ELP1: variants seen among roughly 807,000 people sequenced by gnomAD.
ELP1 encodes the protein elongator acetyltransferase complex subunit 1, also known as elongator complex protein 1.
ELP1 carries 131 observed loss-of-function variants against 183.2 expected under a neutral mutation model. The ratio of observed to expected loss-of-function variants is 0.72; its 90% CI spans 0.62 to 0.83. The LOEUF is 0.83. ELP1 is among the 40% of genes least tolerant of loss of function. ELP1 has a pLI of 0.00. For synonymous variants in ELP1, 555 were observed against 569.0 expected, an observed-to-expected ratio of 0.98 and a Z score of 0.35; for missense variants, 1,550 against 1,594.9, an observed-to-expected ratio of 0.97 and a Z score of 0.48.
Position 108,926,521 on chromosome 9 carries a change from A to C in ELP1, c.466+2T>G. On this transcript the variant is annotated splice_donor_variant, in intron 5 of 36. Transcript: ENST00000374647. LOFTEE classifies it high-confidence loss of function. ...CAAAATATTGCACAAAGCTATACTT[A>C]CTTTCACCAAAATCATCCTGATGGA... 1.2e-6 allele frequency: 2 copies of C among 1,610,646 alleles called. No homozygotes were observed. The highest frequency in any genetic ancestry group is 8.5e-7 in the Non-Finnish European group (1 of 1,177,928).
At position 108,931,157 on chromosome 9, in the gene ELP1, T is replaced by G. The variant is rs753020305; in HGVS notation, c.-11A>C. On this transcript the variant is annotated 5_prime_UTR_variant, in exon 2 of 37. Coordinates refer to ENST00000374647, the MANE Select transcript of ELP1 (RefSeq NM_003640.5). The stretch of plus-strand genomic sequence containing the variant: ...TTTCAGATTTCGCATGATGAAGTGA[T>G]TCCCACGAGACAAGTACAACTATCC... 4.3e-6 allele frequency: 7 copies of G among 1,613,318 alleles called. No homozygotes were observed. The African/African-American group carries it at 9.3e-5, about 22-fold the overall frequency.
At chr9:108,876,953 ACTC>A (rs1827727533) in intron 35 of ELP1, among the ~76,000 whole-genome samples, 1 of 151,468 alleles carries the variant, frequency 6.6e-6, no homozygotes, top group Non-Finnish European at 1.5e-5. Flanking sequence ...TTAGTCACGA[ACTC>A]CTGACTTCAG....
chr9:108,929,953 C>T, intron 2 of ELP1, 32 bp from the exon 3 acceptor site: 1 of 1,609,404 alleles, frequency 6.2e-7, no homozygotes, highest in Non-Finnish European at 8.5e-7. Context: ...GCAAATTAAC[C>T]CAGTCTACTT....
chr9:108,888,047 A>G (rs1301904507), intron 29 of ELP1, among the ~76,000 whole-genome samples: 1 of 152,256 alleles, frequency 6.6e-6, no homozygotes, highest in African/African-American at 2.4e-5. Flanking sequence ...GTAAATCAAC[A>G]AATTCTGACA....
chr9:108,913,883 C>G (rs1395618344), intron 10 of ELP1, among the ~76,000 whole-genome samples: 1 of 152,170 alleles, frequency 6.6e-6, no homozygotes, highest in Non-Finnish European at 1.5e-5. Flanking sequence ...ATCACAGTGC[C>G]ATCCCTTGAC....
chr9:108,884,339 T>C (rs1016718885), intron 29 of ELP1, among the ~76,000 whole-genome samples: 3 of 152,110 alleles, frequency 2.0e-5, no homozygotes, highest in Non-Finnish European at 4.4e-5. Context: ...CAGTCATTGA[T>C]AGAGCAAGTA....
rs1554700059 is a variant in ELP1, at chr9:108,914,422, G to GC, written c.958+1781_958+1782insG. On this transcript the variant is annotated intron_variant, in intron 10 of 36. Coordinates refer to ENST00000374647, the MANE Select transcript of ELP1 (RefSeq NM_003640.5). ...CCAAAAAAAAAAAAAAAGGGGGGGG[G>GC]GGTTCTACTGATTAAAGAGTTTGAA... Among the ~76,000 whole-genome samples the GC allele has an allele frequency of 2.3e-4, 31 of 137,136 alleles. 1 individual carries two copies. Among genetic ancestry groups the GC allele is most frequent in the East Asian group, 1.9e-3 (8 of 4,174 alleles). 90.0% of individuals were successfully genotyped at this position (137,136 alleles called of 152,430 possible).
At chr9:108,872,478 CA>C (rs1379688685) in intron 36 of ELP1, among the ~76,000 whole-genome samples, 1 of 151,970 alleles carries the variant, frequency 6.6e-6, no homozygotes, top group Non-Finnish European at 1.5e-5. Context: ...TCATAAATTC[CA>C]ATTAAAGTTG....
intron 7 of ELP1, 49 bp downstream of exon 7, chr9:108,919,204 A>G (rs1829554830): frequency 1.5e-6 from 2 of 1,353,582 alleles, no homozygotes; most frequent in African/African-American, 1.5e-5. Context: ...CTTAATTTTA[A>G]TAAGATAAAA....
intron 32 of ELP1, 50 bp from the exon 33 acceptor site, chr9:108,879,607 G>A: frequency 1.5e-6 from 2 of 1,345,530 alleles, no homozygotes; most frequent in Non-Finnish European, 2.1e-6. Flanking sequence ...GCTAATGTGT[G>A]GGTTTACTTT....
At chr9:108,904,789 A>AT (rs746952782) in intron 14 of ELP1, among the ~76,000 whole-genome samples, 1 of 152,360 alleles carries the variant, frequency 6.6e-6, no homozygotes, top group Non-Finnish European at 1.5e-5. Flanking sequence ...TTAGAAGAGT[A>AT]TTTTTTACAA....
chr9:108,884,610 A>G (rs896885381), intron 29 of ELP1, among the ~76,000 whole-genome samples: 2 of 152,232 alleles, frequency 1.3e-5, no homozygotes, highest in African/African-American at 4.8e-5. Flanking sequence ...AATATCTGCA[A>G]GTTAAACATA....
intron 29 of ELP1, 55 bp downstream of exon 29, chr9:108,889,277 T>A: frequency 1.4e-6 from 2 of 1,451,118 alleles, no homozygotes; most frequent in Non-Finnish European, 1.9e-6. Context: ...TAAGATACAA[T>A]TGAGAAGACC....
At chr9:108,919,395 TC>T in intron 6 of ELP1, 46 bp from the exon 7 acceptor site, 1 of 1,302,494 alleles carries the variant, frequency 7.7e-7, no homozygotes, top group Non-Finnish European at 1.1e-6. Flanking sequence ...ACCTTAAGTA[TC>T]CCAGAATCAA....
chr9:108,873,585 T>C (rs1246537022), intron 36 of ELP1, among the ~76,000 whole-genome samples: 1 of 152,176 alleles, frequency 6.6e-6, no homozygotes, highest in Admixed American at 6.5e-5. Flanking sequence ...CCCTGGGGAA[T>C]GATGGGACTG....
chr9:108,875,025 C>T lies in ELP1; in HGVS notation c.3856-55G>A, dbSNP rs931033803. On this transcript the variant is annotated intron_variant, in intron 35 of 36. Transcript: ENST00000374647. Reference sequence around the variant, plus strand: ...GATTATCTAATACTTCTCAAGACTGCCAATACCAAAGGCCAAATCCCTACC... The same window carrying T: ...GATTATCTAATACTTCTCAAGACTGTCAATACCAAAGGCCAAATCCCTACC... The T allele has an allele frequency of 4.1e-6, 5 of 1,212,888 alleles. No individual in the cohort carries two copies. The South Asian group carries it at 6.0e-5, about 15-fold the overall frequency. The allele number at this position is 1,212,888 out of a possible 1,614,324, so 75.1% of individuals were successfully genotyped here. A position where few individuals can be genotyped will look rare whatever the true frequency, so the allele number is the denominator to read the frequency against.
chr9:108,919,396 C>A (rs1053141826), intron 6 of ELP1, 47 bp from the exon 7 acceptor site: 1 of 1,308,596 alleles, frequency 7.6e-7, no homozygotes, highest in African/African-American at 1.5e-5. Flanking sequence ...CCTTAAGTAT[C>A]CCAGAATCAA....
intron 25 of ELP1, among the ~76,000 whole-genome samples, chr9:108,895,785 T>C (rs570493053): frequency 1.8e-4 from 27 of 152,252 alleles, no homozygotes; most frequent in South Asian, 1.0e-3. Context: ...TTTTTGATCA[T>C]AGCAAATGTA....
chr9:108,881,443 T>C (rs2118945000), intron 31 of ELP1, among the ~76,000 whole-genome samples: 1 of 152,348 alleles, frequency 6.6e-6, no homozygotes, highest in Non-Finnish European at 1.5e-5. Context: ...ATAGTTCATA[T>C]TCAAGTTTAC....
Sources: allele counts gnomAD v4.1 joint callset (sites outside exome capture counted in the v4.1 genomes callset), GRCh38; gene constraint gnomAD v4.1.1; transcripts MANE v1.5; gene names NCBI Gene and HGNC (gene_info 2026-07-23, HGNC 2026-07-21).